The following MYO9A variants were observed in gnomAD, a reference collection of about 807,000 sequenced individuals.
The protein encoded by MYO9A is unconventional myosin-IXa.
Under a neutral mutation model 293.3 loss-of-function variants are expected in MYO9A, and 103 were observed. The ratio of observed to expected loss-of-function variants is 0.35; its 90% CI spans 0.30 to 0.41. MYO9A has a LOEUF of 0.41. Ranked by LOEUF, MYO9A falls within the 10% of genes least tolerant of loss-of-function variation. The pLI is 1.00. For missense variants in MYO9A, 2,685 were observed against 3,033.0 expected (o/e 0.89, Z 2.69); for synonymous variants, 1,001 against 1,035.7 (o/e 0.97, Z 0.64).
At chr15:72,057,362 G>A (rs370438744) in intron 1 of MYO9A, among the ~76,000 whole-genome samples, 5 of 152,140 alleles carry the variant, frequency 3.3e-5, no homozygotes, top group Non-Finnish European at 7.4e-5. Flanking sequence ...AAAACATAAC[G>A]TGAATTATTG....
chr15:72,076,164 G>A (rs1216877753), intron 1 of MYO9A, among the ~76,000 whole-genome samples: 2 of 152,100 alleles, frequency 1.3e-5, no homozygotes, highest in African/African-American at 4.8e-5. Flanking sequence ...AATTATCCAG[G>A]CATGGTGCCA....
chr15:72,075,202 G>A (rs1596516154), intron 1 of MYO9A, among the ~76,000 whole-genome samples: 1 of 151,892 alleles, frequency 6.6e-6, no homozygotes, highest in South Asian at 2.1e-4. Flanking sequence ...CTGACCTCAA[G>A]TGATCCACCC....
In MYO9A at chr15:72,046,033, G is replaced by C. The variant is rs138348484; in HGVS notation, c.531C>G (p.Thr177=). Residue 177 remains threonine, a synonymous_variant, in exon 2 of 42, where the codon ACC becomes ACG. Coordinates refer to ENST00000356056, the MANE Select transcript of MYO9A (RefSeq NM_006901.4). ...TAACTATTAGAATACTGCCAACATAGGTATAAATTTTTTCATGCTTAAAGC... is the reference window on the plus strand; with the variant it reads ...TAACTATTAGAATACTGCCAACATACGTATAAATTTTTTCATGCTTAAAGC... ...RNRFKHEKIY[T]YVGSILIVIN... The C allele has an allele frequency of 5.0e-6, 8 of 1,613,242 alleles. No individual in the cohort carries two copies. The highest frequency in any genetic ancestry group is 1.3e-5 in the African/African-American group (1 of 74,766).
In MYO9A at chr15:71,857,266, GA is replaced by G. The variant is rs952560513; in HGVS notation, c.6153+2468del. The stretch of plus-strand genomic sequence containing the variant: ...CAAATTAATCTTACTATTTTCAATG[GA>G]AAAAAAAATTCTGAGTATTTTTCTA... On this transcript the variant is annotated intron_variant, in intron 34 of 41. Coordinates refer to ENST00000356056, the MANE Select transcript of MYO9A (RefSeq NM_006901.4). Among the ~76,000 whole-genome samples, 22 of 150,820 alleles carry G rather than the reference GA, an allele frequency of 1.5e-4. No individual in the cohort carries two copies. The East Asian group carries it at 2.3e-3, about 16-fold the overall frequency.
intron 1 of MYO9A, among the ~76,000 whole-genome samples, chr15:72,103,379 A>AAGCAGC (rs955731367): frequency 3.3e-5 from 5 of 150,006 alleles, no homozygotes; most frequent in South Asian, 2.1e-4. Context: ...GCAGAAGCAG[A>AAGCAGC]AGCAGCAGCA....
At chr15:71,894,126 AG>A (rs1310681331) in intron 25 of MYO9A, among the ~76,000 whole-genome samples, 1 of 152,208 alleles carries the variant, frequency 6.6e-6, no homozygotes, top group Non-Finnish European at 1.5e-5. Context: ...TAGTCTTACA[AG>A]GGGCCTTTCC....
intron 1 of MYO9A, among the ~76,000 whole-genome samples, chr15:72,077,983 T>C (rs2079423865): frequency 6.6e-6 from 1 of 152,046 alleles, no homozygotes; most frequent in African/African-American, 2.4e-5. Context: ...GATAGTACTA[T>C]ATGCCTATTA....
intron 25 of MYO9A, chr15:71,896,969 A>G (rs925574108): frequency 6.5e-6 from 1 of 153,670 alleles, no homozygotes; most frequent in African/African-American, 2.4e-5. Context: ...TACAGTTAAC[A>G]CTACTGTACT....
At chr15:71,990,404 C>G (rs912069809) in intron 11 of MYO9A, among the ~76,000 whole-genome samples, 3 of 151,966 alleles carry the variant, frequency 2.0e-5, no homozygotes, top group Non-Finnish European at 4.4e-5. Flanking sequence ...ATTTAGGGAA[C>G]TATAAAACCT....
chr15:72,011,528 G>A (rs1040068298), intron 6 of MYO9A, among the ~76,000 whole-genome samples: 2 of 152,024 alleles, frequency 1.3e-5, no homozygotes, highest in Non-Finnish European at 2.9e-5. Context: ...TTGGAAGGCT[G>A]AGGTAGGAGG....
In MYO9A at chr15:71,870,215, T is replaced by TA. The variant is rs937709972; in HGVS notation, c.5979+5575dup. ...GTATTACTTTCATGGTAAAAGTGGT[T>TA]AAAAAAAAAAAAAGTGGTAAAAGTT... On this transcript the variant is annotated intron_variant, in intron 32 of 41. Transcript: ENST00000356056. Among the ~76,000 whole-genome samples, 750 of 140,684 alleles carry TA rather than the reference T, an allele frequency of 5.3e-3. 3 individuals are homozygous for TA. The highest frequency in any genetic ancestry group is 6.4e-3 in the Non-Finnish European group (412 of 64,282). The allele number at this position is 140,684 out of a possible 152,430, so 92.3% of individuals were successfully genotyped here.
chr15:71,837,961 T>C (rs1237836615), intron 39 of MYO9A, among the ~76,000 whole-genome samples: 1 of 152,148 alleles, frequency 6.6e-6, no homozygotes, highest in Non-Finnish European at 1.5e-5. Context: ...TTTTTCAAAC[T>C]GGAATTTTTT....
chr15:72,041,598 G>T (rs759909056), intron 2 of MYO9A: 3 of 289,184 alleles, frequency 1.0e-5, no homozygotes, highest in South Asian at 3.9e-5. Context: ...GCACTGCATA[G>T]GGTGAGTGCT....
rs11368306 is a variant in MYO9A at position 71,825,995 on chromosome 15, G to GTTTTTTTT, written c.*577_*584dup. 7.4e-4 allele frequency: 68 copies of GTTTTTTTT among 91,444 alleles called. No homozygotes were observed. Among genetic ancestry groups the GTTTTTTTT allele is most frequent in the South Asian group, 2.9e-3 (8 of 2,718 alleles). 5.7% of individuals were successfully genotyped at this position (91,444 alleles called of 1,614,324 possible). A position where few individuals can be genotyped will look rare whatever the true frequency, so the allele number is the denominator to read the frequency against. On this transcript the variant is annotated 3_prime_UTR_variant, in exon 42 of 42. Transcript: ENST00000356056. ...ATGGAAACAATCACGGTTTTTTTTT[G>GTTTTTTTT]TTTTTTTTTTTTTGTTTTTTTTTTT...
chr15:72,016,297 TAAA>T (rs2077336773), intron 6 of MYO9A, among the ~76,000 whole-genome samples: 1 of 152,034 alleles, frequency 6.6e-6, no homozygotes, highest in African/African-American at 2.4e-5. Context: ...AAAAATCTTA[TAAA>T]TAACAGGGCT....
intron 14 of MYO9A, among the ~76,000 whole-genome samples, chr15:71,957,864 C>T (rs1424499273): frequency 6.6e-6 from 1 of 152,130 alleles, no homozygotes; most frequent in Non-Finnish European, 1.5e-5. Flanking sequence ...CTTTGCCTAG[C>T]CTTTTTAGAC....
intron 18 of MYO9A, among the ~76,000 whole-genome samples, chr15:71,928,043 TATATATA>T (rs2058364932): frequency 3.7e-4 from 4 of 10,676 alleles, no homozygotes; most frequent in Non-Finnish European, 1.5e-3. Context: ...TATATATATA[TATATATA>T]TATATATTTT....
Position 72,027,748 on chromosome 15 carries a change from A to C in MYO9A, c.981T>G (p.Tyr327Ter). 6.2e-7 allele frequency: 1 copy of C among 1,608,766 alleles called. No homozygotes were observed. The highest frequency in any genetic ancestry group is 8.5e-7 in the Non-Finnish European group (1 of 1,177,946). Residue 327 changes from tyrosine (Y) to a stop codon, truncating the protein, a stop_gained, in exon 4 of 42, where the codon TAT becomes TAG. Transcript: ENST00000356056. LOFTEE classifies it high-confidence loss of function. The part of the protein sequence containing the change: ...KYLLEKSRLV[Y>*]QEHNERNYHV... The stretch of plus-strand genomic sequence containing the variant: ...ATACGTACCGTTCATTATGCTCCTG[A>C]TAAACGAGTCTGGACTTCTCCAGTA...
In MYO9A at chr15:71,928,233, A is replaced by G. The variant is rs1413563133; in HGVS notation, c.2562+5437T>C. Among the ~76,000 whole-genome samples, 9 of 145,508 alleles carry G rather than the reference A, an allele frequency of 6.2e-5. No individual in the cohort carries two copies. In the South Asian group the frequency reaches 1.4e-3, roughly 22 times the overall value. ...GCTGGGACTACAGGCGCCCGCCACT[A>G]CGCCCGGCTAATTTTTTGTATTTTT... On this transcript the variant is annotated intron_variant, in intron 18 of 41. Coordinates refer to ENST00000356056, the MANE Select transcript of MYO9A (RefSeq NM_006901.4).
Sources: allele counts gnomAD v4.1 joint callset (sites outside exome capture counted in the v4.1 genomes callset), GRCh38; gene constraint gnomAD v4.1.1; transcripts MANE v1.5; gene names NCBI Gene and HGNC (gene_info 2026-07-23, HGNC 2026-07-21).